Variants in PCDH9 observed in about 807,000 individuals in gnomAD.
PCDH9 encodes protocadherin 9.
In PCDH9, 24 loss-of-function variants were observed where a neutral mutation model predicts 70.6. That is an observed-to-expected ratio of 0.34 (90% CI 0.25 to 0.48). PCDH9 has a LOEUF of 0.48. Ranked by LOEUF, PCDH9 falls within the 20% of genes least tolerant of loss-of-function variation. The pLI, the probability that PCDH9 is intolerant of heterozygous loss-of-function variation, is 0.99. For synonymous variants in PCDH9, 562 were observed against 558.5 expected, an observed-to-expected ratio of 1.01 and a Z score of -0.09; for missense variants, 1,281 against 1,503.6, an observed-to-expected ratio of 0.85 and a Z score of 2.45.
chr13:67,147,620 G>C (rs1229343320), intron 2 of PCDH9, among the ~76,000 whole-genome samples: 1 of 152,214 alleles, frequency 6.6e-6, no homozygotes, highest in Non-Finnish European at 1.5e-5. Context: ...TGAAAAACCA[G>C]AAGAAATAAT....
chr13:66,538,390 C>A (rs776297223), intron 4 of PCDH9, among the ~76,000 whole-genome samples: 2 of 152,148 alleles, frequency 1.3e-5, no homozygotes, highest in East Asian at 1.9e-4. Flanking sequence ...AAGAATGGTG[C>A]CTTTTACTGA....
At chr13:66,670,446 G>A (rs978169467) in intron 3 of PCDH9, among the ~76,000 whole-genome samples, 2 of 152,142 alleles carry the variant, frequency 1.3e-5, no homozygotes, top group Non-Finnish European at 2.9e-5. Context: ...GATAAAAGCT[G>A]TATGGACATC....
intron 3 of PCDH9, among the ~76,000 whole-genome samples, chr13:66,683,930 A>G (rs1022734736): frequency 3.9e-5 from 6 of 152,328 alleles, no homozygotes; most frequent in Admixed American, 3.3e-4. Context: ...ATTTATTTGT[A>G]AAATGACATC....
intron 4 of PCDH9, among the ~76,000 whole-genome samples, chr13:66,548,031 A>C (rs80225048): frequency 6.6e-6 from 1 of 150,684 alleles, no homozygotes; most frequent in East Asian, 1.9e-4. Context: ...GTATGTATGT[A>C]TGTTTGTGTT....
intron 4 of PCDH9, among the ~76,000 whole-genome samples, chr13:66,507,813 C>T (rs1264329589): frequency 3.3e-5 from 5 of 152,116 alleles, no homozygotes; most frequent in African/African-American, 9.7e-5. Context: ...CTTCCACCTC[C>T]GGGCTTCAAG....
intron 4 of PCDH9, among the ~76,000 whole-genome samples, chr13:66,473,983 A>G (rs1958670631): frequency 6.6e-6 from 1 of 152,164 alleles, no homozygotes; most frequent in African/African-American, 2.4e-5. Flanking sequence ...AGCAACAATA[A>G]ACTTTTAATT....
intron 3 of PCDH9, among the ~76,000 whole-genome samples, chr13:66,704,594 T>C (rs2078688040): frequency 6.6e-6 from 1 of 152,140 alleles, no homozygotes; most frequent in Admixed American, 6.5e-5. Flanking sequence ...AGATTTCCAA[T>C]TCATTTACAA....
intron 2 of PCDH9, among the ~76,000 whole-genome samples, chr13:67,129,532 G>A (rs1404018483): frequency 6.6e-6 from 1 of 151,994 alleles, no homozygotes; most frequent in Non-Finnish European, 1.5e-5. Context: ...CTATAAGAAT[G>A]AGTCACTGGT....
chr13:67,153,197 C>T (rs777337247), intron 2 of PCDH9, among the ~76,000 whole-genome samples: 3 of 151,836 alleles, frequency 2.0e-5, no homozygotes, highest in South Asian at 2.1e-4. Context: ...GGTCTCTCTC[C>T]GTCCTGCAGT....
At chr13:66,982,565 T>C (rs929935888) in intron 2 of PCDH9, among the ~76,000 whole-genome samples, 14 of 152,210 alleles carry the variant, frequency 9.2e-5, no homozygotes, top group Non-Finnish European at 1.9e-4. Context: ...AAGCCCTACC[T>C]ACCCCGGGTT....
At position 67,227,555 on chromosome 13, in the gene PCDH9, C is replaced by A; in HGVS notation, c.886G>T (p.Ala296Ser). 1.2e-6 allele frequency: 2 copies of A among 1,613,830 alleles called. No homozygotes were observed. The highest frequency in any genetic ancestry group is 1.3e-5 in the African/African-American group (1 of 74,988). Residue 296 changes from alanine to serine, a missense_variant, in exon 2 of 5, where the codon GCC (alanine) becomes TCC (serine). By Grantham distance (99) the Ala-to-Ser change is moderately conservative. Coordinates refer to ENST00000377865, the MANE Select transcript of PCDH9 (RefSeq NM_203487.3). The surrounding 1 kb of genome is among the most constrained non-coding windows in gnomAD (Gnocchi z 4.6). ...EIRYIFGAQV[A>S]PATKRLFALN... ...GCAAAGAGTCTTTTGGTTGCAGGGG[C>A]GACCTGGGCACCAAAAATGTACCGG...
chr13:66,952,689 C>T (rs1010664012), intron 2 of PCDH9, among the ~76,000 whole-genome samples: 2 of 152,136 alleles, frequency 1.3e-5, no homozygotes, highest in Non-Finnish European at 2.9e-5. Flanking sequence ...TGGCAGAACC[C>T]ACCTGTGGCC....
intron 3 of PCDH9, among the ~76,000 whole-genome samples, chr13:66,721,636 T>A (rs2078943039): frequency 6.6e-6 from 1 of 152,106 alleles, no homozygotes; most frequent in South Asian, 2.1e-4. Context: ...GAACAATATA[T>A]ACATTTAAAA....
At chr13:66,366,504 T>C (rs1956557078) in intron 4 of PCDH9, among the ~76,000 whole-genome samples, 1 of 152,070 alleles carries the variant, frequency 6.6e-6, no homozygotes, top group Non-Finnish European at 1.5e-5. Flanking sequence ...CTCTTTTAAA[T>C]CCTTCTAATA....
intron 2 of PCDH9, among the ~76,000 whole-genome samples, chr13:66,909,374 A>G (rs1238283780): frequency 1.3e-5 from 2 of 152,140 alleles, no homozygotes; most frequent in African/African-American, 4.8e-5. Context: ...TACCGCCCAA[A>G]GCAATCTATG....
intron 2 of PCDH9, among the ~76,000 whole-genome samples, chr13:67,035,104 T>C (rs1362020534): frequency 6.6e-6 from 1 of 152,106 alleles, no homozygotes; most frequent in Non-Finnish European, 1.5e-5. Flanking sequence ...ATCAACTTCA[T>C]GGTGTATATG....
intron 3 of PCDH9, among the ~76,000 whole-genome samples, chr13:66,808,329 A>G (rs1288489087): frequency 6.6e-6 from 1 of 152,168 alleles, no homozygotes; most frequent in East Asian, 1.9e-4. Flanking sequence ...CTATAAAGCA[A>G]CATAGACCAG....
intron 4 of PCDH9, among the ~76,000 whole-genome samples, chr13:66,339,468 T>A (rs1956091341): frequency 6.6e-6 from 1 of 152,108 alleles, no homozygotes; most frequent in African/African-American, 2.4e-5. Context: ...TCTGGCATTC[T>A]GACTACATTA....
chr13:66,916,480 T>C (rs981600170), intron 2 of PCDH9, among the ~76,000 whole-genome samples: 10 of 151,526 alleles, frequency 6.6e-5, no homozygotes, highest in African/African-American at 2.4e-4. Flanking sequence ...TCAAAATATC[T>C]CTTCAGAATC....
Sources: allele counts gnomAD v4.1 joint callset (sites outside exome capture counted in the v4.1 genomes callset), GRCh38; gene constraint gnomAD v4.1.1; non-coding constraint Gnocchi (gnomAD v3.1); transcripts MANE v1.5; gene names NCBI Gene and HGNC (gene_info 2026-07-23, HGNC 2026-07-21).